VWC2L: variants seen among roughly 807,000 people sequenced by gnomAD.
VWC2L encodes the protein von Willebrand factor C domain-containing protein 2-like.
A neutral mutation model predicts 21.6 loss-of-function variants in VWC2L; 10 were observed. The observed-to-expected ratio is 0.46, with a 90% CI of 0.29 to 0.78. The LOEUF is 0.78. VWC2L is among the 30% of genes least tolerant of loss of function. The pLI is 0.10. For synonymous variants in VWC2L, 96 were observed against 94.3 expected (o/e 1.02, Z -0.10); for missense variants, 209 against 277.1 (o/e 0.75, Z 1.74).
chr2:214,570,325 T>C (rs1005778123), intron 3 of VWC2L, among the ~76,000 whole-genome samples: 14 of 152,196 alleles, frequency 9.2e-5, no homozygotes, highest in African/African-American at 2.9e-4. Context: ...TTTCATTTTA[T>C]AGATGTGCAA....
chr2:214,515,345 T>A (rs900934096), intron 3 of VWC2L, among the ~76,000 whole-genome samples: 4 of 152,070 alleles, frequency 2.6e-5, no homozygotes, highest in Non-Finnish European at 4.4e-5. Context: ...AACCTAAAAG[T>A]ACAATATAGC....
At chr2:214,511,531 G>A (rs974483703) in intron 3 of VWC2L, among the ~76,000 whole-genome samples, 4 of 152,132 alleles carry the variant, frequency 2.6e-5, no homozygotes, top group Admixed American at 6.6e-5. Context: ...TCTCTGCCGT[G>A]TGAATACTCA....
At chr2:214,568,604 C>T (rs1483023530) in intron 3 of VWC2L, among the ~76,000 whole-genome samples, 1 of 152,066 alleles carries the variant, frequency 6.6e-6, no homozygotes, top group Non-Finnish European at 1.5e-5. Context: ...GGGGAACTCC[C>T]TTTTTTAAAA....
intron 3 of VWC2L, among the ~76,000 whole-genome samples, chr2:214,479,909 G>A (rs1688579069): frequency 6.6e-6 from 1 of 152,132 alleles, no homozygotes; most frequent in Non-Finnish European, 1.5e-5. Context: ...CCGCATCCAT[G>A]GATTCAACCA....
At chr2:214,537,393 T>C (rs1478323856) in intron 3 of VWC2L, among the ~76,000 whole-genome samples, 1 of 151,868 alleles carries the variant, frequency 6.6e-6, no homozygotes, top group African/African-American at 2.4e-5. Flanking sequence ...TGGAAGACAT[T>C]ATGCCAAGTA....
chr2:214,494,093 T>G (rs899553275), intron 3 of VWC2L, among the ~76,000 whole-genome samples: 2 of 152,010 alleles, frequency 1.3e-5, no homozygotes, highest in Non-Finnish European at 2.9e-5. Flanking sequence ...CACTCCATTT[T>G]GCTACAATTA....
chr2:214,508,350 A>G (rs1279532369), intron 3 of VWC2L, among the ~76,000 whole-genome samples: 1 of 152,130 alleles, frequency 6.6e-6, no homozygotes, highest in Admixed American at 6.6e-5. Flanking sequence ...TGGATTCGCC[A>G]TTTGGTAAGA....
At chr2:214,558,197 A>C (rs1689904317) in intron 3 of VWC2L, among the ~76,000 whole-genome samples, 1 of 151,904 alleles carries the variant, frequency 6.6e-6, no homozygotes, top group African/African-American at 2.4e-5. Flanking sequence ...TTCCTTTTTG[A>C]AATCTTTTTT....
At chr2:214,490,805 A>G (rs975921982) in intron 3 of VWC2L, among the ~76,000 whole-genome samples, 3 of 152,196 alleles carry the variant, frequency 2.0e-5, no homozygotes, top group Non-Finnish European at 4.4e-5. Flanking sequence ...TGCTGCATAG[A>G]AGTTAAACAG....
intron 3 of VWC2L, among the ~76,000 whole-genome samples, chr2:214,469,820 T>C (rs1291591411): frequency 6.6e-6 from 1 of 152,230 alleles, no homozygotes; most frequent in Non-Finnish European, 1.5e-5. Flanking sequence ...TTTATTCCTG[T>C]TGAAGAGCGG....
At chr2:214,495,381 T>A (rs1462871577) in intron 3 of VWC2L, among the ~76,000 whole-genome samples, 1 of 152,204 alleles carries the variant, frequency 6.6e-6, no homozygotes, top group Non-Finnish European at 1.5e-5. Flanking sequence ...GATTATGCTG[T>A]CTCATCTTTG....
intron 3 of VWC2L, among the ~76,000 whole-genome samples, chr2:214,567,908 G>A (rs549957696): frequency 2.0e-5 from 3 of 152,272 alleles, no homozygotes; most frequent in Admixed American, 2.0e-4. Context: ...AATCTTCAAA[G>A]TGTTAACAAA....
intron 3 of VWC2L, among the ~76,000 whole-genome samples, chr2:214,538,786 G>T (rs966415686): frequency 6.6e-6 from 1 of 151,948 alleles, no homozygotes; most frequent in Non-Finnish European, 1.5e-5. Context: ...TTCACATTTT[G>T]ATACCGTACT....
intron 3 of VWC2L, among the ~76,000 whole-genome samples, chr2:214,442,614 C>T (rs1171864197): frequency 6.6e-6 from 1 of 151,924 alleles, no homozygotes; most frequent in Admixed American, 6.6e-5. Flanking sequence ...TTTTATTTCA[C>T]AGGACTCTTT....
At chr2:214,452,311 C>T (rs1166981990) in intron 3 of VWC2L, among the ~76,000 whole-genome samples, 3 of 152,120 alleles carry the variant, frequency 2.0e-5, no homozygotes, top group East Asian at 1.9e-4. Context: ...CACACCACCA[C>T]GCTTGGCTAA....
At chr2:214,486,984 A>G (rs1042110636) in intron 3 of VWC2L, among the ~76,000 whole-genome samples, 11 of 152,230 alleles carry the variant, frequency 7.2e-5, no homozygotes, top group Non-Finnish European at 1.5e-5. Flanking sequence ...AGAGGTAATC[A>G]TGTTTAAATG....
intron 1 of VWC2L, among the ~76,000 whole-genome samples, chr2:214,412,047 C>A (rs969163300): frequency 2.0e-5 from 3 of 151,292 alleles, no homozygotes; most frequent in Admixed American, 6.6e-5. Context: ...AAAAAAATAG[C>A]CTAAGAACTT....
intron 2 of VWC2L, 76 bp downstream of exon 2, chr2:214,414,659 C>A: frequency 1.4e-6 from 2 of 1,472,300 alleles, no homozygotes; most frequent in Non-Finnish European, 1.8e-6. Flanking sequence ...ACATTAAAGT[C>A]AGAGTTGGAA....
chr2:214,435,803 C>T (rs913550448), intron 2 of VWC2L, among the ~76,000 whole-genome samples: 1 of 152,154 alleles, frequency 6.6e-6, no homozygotes, highest in Non-Finnish European at 1.5e-5. Flanking sequence ...ATGAGAAAGT[C>T]AGAGGGTGGC....
Sources: allele counts gnomAD v4.1 joint callset (sites outside exome capture counted in the v4.1 genomes callset), GRCh38; gene constraint gnomAD v4.1.1; transcripts MANE v1.5; gene names NCBI Gene and HGNC (gene_info 2026-07-23, HGNC 2026-07-21).